Variants in ACOXL observed in about 807,000 individuals in gnomAD.
The protein encoded by ACOXL is acyl-coenzyme A oxidase-like protein.
A neutral mutation model predicts 71.9 loss-of-function variants in ACOXL; 70 were observed. That is an observed-to-expected ratio of 0.97 (90% CI 0.80 to 1.19). ACOXL has a LOEUF of 1.19. ACOXL is among the 50% of genes most tolerant of loss of function. ACOXL has a pLI of 0.00. For missense variants in ACOXL, 703 were observed against 736.3 expected (o/e 0.95, Z 0.52); for synonymous variants, 253 against 281.6 (o/e 0.90, Z 1.02).
At chr2:110,927,913 A>G (rs1218944699) in intron 11 of ACOXL, among the ~76,000 whole-genome samples, 1 of 152,194 alleles carries the variant, frequency 6.6e-6, no homozygotes, top group African/African-American at 2.4e-5. Context: ...GGGAGCTGAT[A>G]TCTCCCTTTG....
intron 9 of ACOXL, among the ~76,000 whole-genome samples, chr2:110,806,033 C>G (rs967885935): frequency 1.3e-5 from 2 of 152,206 alleles, no homozygotes; most frequent in African/African-American, 2.4e-5. Context: ...CTTGGTGAAG[C>G]TAGAAGAAAA....
chr2:110,740,722 A>G (rs545243648), intron 1 of ACOXL, among the ~76,000 whole-genome samples: 1 of 152,350 alleles, frequency 6.6e-6, no homozygotes, highest in African/African-American at 2.4e-5. Context: ...AGGATGCTCC[A>G]TGATACAGCC....
intron 17 of ACOXL, among the ~76,000 whole-genome samples, chr2:111,112,439 A>G (rs2070049837): frequency 6.6e-6 from 1 of 152,176 alleles, no homozygotes; most frequent in South Asian, 2.1e-4. Flanking sequence ...TGAGTGTTTC[A>G]GGTTTATTTT....
At chr2:111,007,923 C>G (rs1208207520) in intron 14 of ACOXL, among the ~76,000 whole-genome samples, 1 of 152,190 alleles carries the variant, frequency 6.6e-6, no homozygotes. Flanking sequence ...TTCAAACATT[C>G]TTCTATGAGA....
At chr2:110,918,843 C>G (rs187502523) in intron 11 of ACOXL, among the ~76,000 whole-genome samples, 107 of 152,194 alleles carry the variant, frequency 7.0e-4, no homozygotes, top group African/African-American at 2.5e-3. Context: ...CAAATCAAAA[C>G]CACAATGAGA....
At chr2:110,823,098 C>G (rs1281615417) in intron 9 of ACOXL, among the ~76,000 whole-genome samples, 1 of 151,944 alleles carries the variant, frequency 6.6e-6, no homozygotes. Context: ...ACTAAAAATA[C>G]AAAAATTAGC....
chr2:110,875,463 G>A (rs1695789772), intron 10 of ACOXL, among the ~76,000 whole-genome samples: 1 of 152,154 alleles, frequency 6.6e-6, no homozygotes, highest in Non-Finnish European at 1.5e-5. Flanking sequence ...GGGGAGGTGT[G>A]GAGCGTGGAG....
chr2:110,912,335 G>C (rs1380457433), intron 11 of ACOXL, among the ~76,000 whole-genome samples: 1 of 152,092 alleles, frequency 6.6e-6, no homozygotes, highest in African/African-American at 2.4e-5. Context: ...GAGTAACAAA[G>C]TTGGAAGGCT....
chr2:111,116,947 G>T (rs2070399756), intron 17 of ACOXL, among the ~76,000 whole-genome samples: 1 of 152,306 alleles, frequency 6.6e-6, no homozygotes, highest in South Asian at 2.1e-4. Context: ...CCTTCCAGTG[G>T]CTGCCAGAAC....
intron 9 of ACOXL, among the ~76,000 whole-genome samples, chr2:110,811,785 A>ACACG (rs1225876415): frequency 1.1e-4 from 16 of 149,086 alleles, no homozygotes; most frequent in Middle Eastern, 3.4e-3. Flanking sequence ...ACACACACAC[A>ACACG]CGCGGGGAGG....
At chr2:110,894,462 C>T (rs2058924266) in intron 10 of ACOXL, among the ~76,000 whole-genome samples, 2 of 152,012 alleles carry the variant, frequency 1.3e-5, no homozygotes, top group Admixed American at 6.6e-5. Flanking sequence ...AAACTGGTGT[C>T]CCACCCCATC....
chr2:110,767,711 C>T (rs115117109), intron 1 of ACOXL, among the ~76,000 whole-genome samples: 41 of 152,292 alleles, frequency 2.7e-4, no homozygotes, highest in African/African-American at 9.6e-4. Flanking sequence ...CTCCCTTGCC[C>T]CTATCTCCCA....
chr2:110,988,575 A>G (rs1172638144), intron 13 of ACOXL, among the ~76,000 whole-genome samples: 1 of 152,152 alleles, frequency 6.6e-6, no homozygotes, highest in African/African-American at 2.4e-5. Context: ...AGTAATGTTC[A>G]ACTTTACTAG....
chr2:111,027,215 T>G (rs1308219174), intron 14 of ACOXL, among the ~76,000 whole-genome samples: 1 of 151,888 alleles, frequency 6.6e-6, no homozygotes, highest in African/African-American at 2.4e-5. Context: ...TTTAAACCCT[T>G]CTTATATAGG....
chr2:110,904,028 G>T (rs565842595), intron 10 of ACOXL, among the ~76,000 whole-genome samples: 1 of 152,336 alleles, frequency 6.6e-6, no homozygotes, highest in South Asian at 2.1e-4. Flanking sequence ...AGCTTCAGTA[G>T]CCCTCAGTGT....
chr2:110,792,315 C>T (rs1444865430), intron 3 of ACOXL, among the ~76,000 whole-genome samples: 1 of 152,198 alleles, frequency 6.6e-6, no homozygotes, highest in Non-Finnish European at 1.5e-5. Context: ...CTCTGACCTG[C>T]AGGCACAGCA....
At chr2:110,782,964 T>G (rs1399209282) in intron 2 of ACOXL, among the ~76,000 whole-genome samples, 2 of 151,834 alleles carry the variant, frequency 1.3e-5, no homozygotes, top group African/African-American at 2.4e-5. Context: ...TGGTGAAAAA[T>G]AGGGGTGGAC....
At chr2:110,945,882 A>C (rs1172768724) in intron 12 of ACOXL, among the ~76,000 whole-genome samples, 2 of 152,134 alleles carry the variant, frequency 1.3e-5, no homozygotes, top group African/African-American at 2.4e-5. Flanking sequence ...AATTCTGTGA[A>C]GAATGTCATT....
intron 2 of ACOXL, among the ~76,000 whole-genome samples, chr2:110,779,764 A>C (rs1271587897): frequency 6.6e-6 from 1 of 152,250 alleles, no homozygotes; most frequent in Non-Finnish European, 1.5e-5. Context: ...ATATGGGAAG[A>C]AAGTTAACTT....
Sources: gnomAD v4.1 joint callset for allele counts (sites outside exome capture counted in the v4.1 genomes callset) on GRCh38, gnomAD v4.1.1 for gene constraint, MANE v1.5 for transcripts, NCBI Gene and HGNC (gene_info 2026-07-23, HGNC 2026-07-21) for gene names.